The following APBB1IP variants were observed in gnomAD, a reference collection of about 807,000 sequenced individuals.
APBB1IP encodes amyloid beta A4 precursor protein-binding family B member 1-interacting protein.
A neutral mutation model predicts 64.9 loss-of-function variants in APBB1IP; 27 were observed. That is an observed-to-expected ratio of 0.42 (90% CI 0.31 to 0.57). APBB1IP has a LOEUF of 0.57. APBB1IP is among the 20% of genes least tolerant of loss of function. APBB1IP has a pLI of 0.20. For synonymous variants in APBB1IP, 392 were observed against 331.0 expected (o/e 1.18, Z -2.00); for missense variants, 812 against 845.5 (o/e 0.96, Z 0.49).
At chr10:26,472,115 A>C (rs1230845856) in intron 2 of APBB1IP, among the ~76,000 whole-genome samples, 2 of 152,220 alleles carry the variant, frequency 1.3e-5, no homozygotes, top group African/African-American at 4.8e-5. Flanking sequence ...GGGAAGAAAA[A>C]CAGAAAATCC....
At chr10:26,557,419 G>A (rs1836907918) in intron 11 of APBB1IP, among the ~76,000 whole-genome samples, 1 of 152,236 alleles carries the variant, frequency 6.6e-6, no homozygotes, top group Non-Finnish European at 1.5e-5. Context: ...CTGAGGCCGA[G>A]TGACCTACAT....
intron 11 of APBB1IP, among the ~76,000 whole-genome samples, chr10:26,555,972 G>A (rs530047066): frequency 2.0e-5 from 3 of 152,114 alleles, no homozygotes; most frequent in Non-Finnish European, 4.4e-5. Flanking sequence ...GAACAAACAG[G>A]ACCTTGGTTC....
chr10:26,453,959 C>T (rs1196181057), intron 2 of APBB1IP, among the ~76,000 whole-genome samples: 1 of 152,168 alleles, frequency 6.6e-6, no homozygotes, highest in African/African-American at 2.4e-5. Context: ...GGAAACAACC[C>T]AAATTCCATC....
chr10:26,445,266 T>C (rs1467705145), intron 2 of APBB1IP, among the ~76,000 whole-genome samples: 2 of 152,172 alleles, frequency 1.3e-5, no homozygotes, highest in Non-Finnish European at 2.9e-5. Context: ...GAGAAGGAGT[T>C]GATCCAAAAT....
chr10:26,494,814 G>A (rs745603465), intron 3 of APBB1IP, among the ~76,000 whole-genome samples: 1 of 151,990 alleles, frequency 6.6e-6, no homozygotes, highest in Non-Finnish European at 1.5e-5. Context: ...AACAGAGTGA[G>A]ACTCCATCTC....
intron 2 of APBB1IP, among the ~76,000 whole-genome samples, chr10:26,458,710 T>G (rs1462992437): frequency 6.6e-6 from 1 of 152,172 alleles, no homozygotes; most frequent in Non-Finnish European, 1.5e-5. Context: ...TAAGGCCATA[T>G]TTCACTTCAT....
At chr10:26,440,476 C>T (rs1054080879) in intron 2 of APBB1IP, among the ~76,000 whole-genome samples, 2 of 152,104 alleles carry the variant, frequency 1.3e-5, no homozygotes, top group Admixed American at 1.3e-4. Flanking sequence ...CTGAGAAGTT[C>T]CTGTAAAAGC....
At chr10:26,448,211 T>C (rs1835423363) in intron 2 of APBB1IP, among the ~76,000 whole-genome samples, 1 of 151,900 alleles carries the variant, frequency 6.6e-6, no homozygotes, top group African/African-American at 2.4e-5. Flanking sequence ...TTATTTCATT[T>C]TTTTAATTTT....
intron 7 of APBB1IP, among the ~76,000 whole-genome samples, chr10:26,513,026 C>A (rs1478511790): frequency 1.3e-5 from 2 of 152,238 alleles, no homozygotes. Flanking sequence ...CTCACAATTT[C>A]ATTCAAAGTG....
chr10:26,522,243 T>A (rs577892846), intron 8 of APBB1IP, among the ~76,000 whole-genome samples: 1 of 152,108 alleles, frequency 6.6e-6, no homozygotes, highest in Non-Finnish European at 1.5e-5. Context: ...AGATTCACAG[T>A]CAAATTGGAC....
At chr10:26,529,218 C>G (rs1467495583) in intron 8 of APBB1IP, among the ~76,000 whole-genome samples, 2 of 152,226 alleles carry the variant, frequency 1.3e-5, no homozygotes, top group South Asian at 4.1e-4. Flanking sequence ...AATGACTAAA[C>G]GTTGAGTTCT....
At chr10:26,482,072 T>C (rs1281761346) in intron 2 of APBB1IP, among the ~76,000 whole-genome samples, 2 of 152,190 alleles carry the variant, frequency 1.3e-5, no homozygotes, top group African/African-American at 4.8e-5. Flanking sequence ...TATACACATG[T>C]CCATATGAAT....
At chr10:26,499,994 T>G (rs1025161178) in intron 4 of APBB1IP, among the ~76,000 whole-genome samples, 2 of 152,110 alleles carry the variant, frequency 1.3e-5, no homozygotes, top group Non-Finnish European at 2.9e-5. Flanking sequence ...GAAGATTACT[T>G]GAGTCCAGGA....
intron 2 of APBB1IP, among the ~76,000 whole-genome samples, chr10:26,479,604 T>C (rs931433133): frequency 1.9e-4 from 29 of 152,096 alleles, no homozygotes; most frequent in Non-Finnish European, 1.5e-4. Flanking sequence ...AAAAAAACAA[T>C]AAAAATAAAA....
intron 11 of APBB1IP, among the ~76,000 whole-genome samples, chr10:26,543,358 TG>T (rs1021139324): frequency 4.0e-5 from 6 of 150,054 alleles, no homozygotes; most frequent in Non-Finnish European, 8.9e-5. Context: ...TCCCGCTACT[TG>T]GGGGGCTTGA....
intron 8 of APBB1IP, among the ~76,000 whole-genome samples, chr10:26,522,028 G>A (rs1238535544): frequency 1.3e-5 from 2 of 152,162 alleles, no homozygotes; most frequent in Non-Finnish European, 2.9e-5. Context: ...TGATATTACA[G>A]GCATGAGCCA....
chr10:26,453,717 A>G (rs1197035091), intron 2 of APBB1IP, among the ~76,000 whole-genome samples: 4 of 152,176 alleles, frequency 2.6e-5, no homozygotes, highest in South Asian at 2.1e-4. Flanking sequence ...CTGGCCAATA[A>G]GCACAGGAAA....
At chr10:26,493,546 C>T (rs1325490226) in intron 3 of APBB1IP, among the ~76,000 whole-genome samples, 2 of 152,194 alleles carry the variant, frequency 1.3e-5, no homozygotes, top group Admixed American at 6.5e-5. Flanking sequence ...CAGCCGGTCC[C>T]TCCATTCGGG....
chr10:26,492,887 G>A (rs1835974335), intron 3 of APBB1IP, among the ~76,000 whole-genome samples: 1 of 152,150 alleles, frequency 6.6e-6, no homozygotes, highest in Non-Finnish European at 1.5e-5. Context: ...CAAGAGCAGA[G>A]AACCAGTCTG....
Sources: gnomAD v4.1 joint callset for allele counts (sites outside exome capture counted in the v4.1 genomes callset) on GRCh38, gnomAD v4.1.1 for gene constraint, MANE v1.5 for transcripts, NCBI Gene and HGNC (gene_info 2026-07-23, HGNC 2026-07-21) for gene names.